The following UNK variants were observed in gnomAD, a reference collection of about 807,000 sequenced individuals.
The protein encoded by UNK is RING finger protein unkempt homolog.
In UNK, 32 loss-of-function variants were observed where a neutral mutation model predicts 97.6. The ratio of observed to expected loss-of-function variants is 0.33; its 90% CI spans 0.25 to 0.44. UNK has a LOEUF of 0.44. Among genes scored for constraint, UNK ranks in the 20% least tolerant of loss-of-function variants. UNK has a pLI of 1.00. For missense variants in UNK, 771 were observed against 1,098.4 expected (o/e 0.70, Z 4.21); for synonymous variants, 441 against 461.2 (o/e 0.96, Z 0.56).
chr17:75,824,226 C>T lies in UNK; in HGVS notation c.2278-36C>T, dbSNP rs760952583. ...CTCCTCGCTCAACTTGGGGCCAGACCCATGGATGGTGACCACGATGCCCCT... is the reference window on the plus strand; with the variant it reads ...CTCCTCGCTCAACTTGGGGCCAGACTCATGGATGGTGACCACGATGCCCCT... On this transcript the variant is annotated intron_variant, in intron 15 of 15. Transcript: ENST00000589666. The surrounding 1 kb of genome is among the most constrained non-coding windows in gnomAD (Gnocchi z 4.9). The T allele has an allele frequency of 6.4e-7, 1 of 1,554,466 alleles. No individual in the cohort carries two copies. Among genetic ancestry groups the T allele is most frequent in the African/African-American group, 1.4e-5 (1 of 72,202 alleles).
chr17:75,810,543 TC>T (rs2061959423), intron 2 of UNK, among the ~76,000 whole-genome samples: 1 of 152,158 alleles, frequency 6.6e-6, no homozygotes, highest in Non-Finnish European at 1.5e-5. Context: ...CATAGAGCCT[TC>T]CCTTCGTCAG....
chr17:75,806,102 CAAA>C (rs112228363), intron 1 of UNK, among the ~76,000 whole-genome samples: 4 of 68,446 alleles, frequency 5.8e-5, no homozygotes. Context: ...GACTCCGTCT[CAAA>C]AAAAAAAAAA....
chr17:75,810,979 C>T lies in UNK; in HGVS notation c.314+1010C>T, dbSNP rs116700735. ...TTTGAGATGGAGTCCGCTCTGTTGC[C>T]GAGGCTGGAATGGGCACCTGCTTCC... On this transcript the variant is annotated intron_variant, in intron 2 of 15. Coordinates refer to ENST00000589666, the MANE Select transcript of UNK (RefSeq NM_001080419.3). Among the ~76,000 whole-genome samples, 1,104 of 151,594 alleles carry T rather than the reference C, an allele frequency of 7.3e-3. 14 individuals carry two copies. The highest frequency in any genetic ancestry group is 0.026 in the African/African-American group (1,075 of 41,250).
rs763599861 is a variant in UNK at position 75,817,569 on chromosome 17, C to T, written c.1305+43C>T. 11 of 1,534,456 alleles carry T rather than the reference C, an allele frequency of 7.2e-6. No homozygotes were observed. Among genetic ancestry groups the T allele is most frequent in the African/African-American group, 2.7e-5 (2 of 72,848 alleles). ...CAGCAGTGAGGTTAGCCTTCTCCTG[C>T]GTGGGGCAAGAGAATCTTGGAGGAG... On this transcript the variant is annotated intron_variant, in intron 9 of 15. Transcript: ENST00000589666. The surrounding 1 kb of genome is among the most constrained non-coding windows in gnomAD (Gnocchi z 5.8).
chr17:75,791,899 T>C, intron 1 of UNK: 1 of 985,388 alleles, frequency 1.0e-6, no homozygotes, highest in Non-Finnish European at 1.2e-6. Context: ...GAAATCCATC[T>C]TGGGCACACT....
rs2061987660 is a variant in UNK, at chr17:75,813,358, C to T, written c.758+145C>T. 2.2e-5 allele frequency: 26 copies of T among 1,199,002 alleles called. No homozygotes were observed. In the South Asian group the frequency reaches 3.8e-4, roughly 18 times the overall value. 74.3% of individuals were successfully genotyped at this position (1,199,002 alleles called of 1,614,324 possible). A position where few individuals can be genotyped will look rare whatever the true frequency, so the allele number is the denominator to read the frequency against. On this transcript the variant is annotated intron_variant, in intron 5 of 15. Transcript: ENST00000589666. ...CGCAAGCCCAGGGCCCAGGGGAGGG[C>T]ATAGTGAGGATAGCTGGACAGTAGG...
Position 75,815,388 on chromosome 17 carries a change from G to A in UNK, c.961+135G>A. ...TTCTGGCCTGCCAGCAGCAGGCCTTGTCCCCACTGGAAGCTCCATTCCCCC... is the reference window on the plus strand; with the variant it reads ...TTCTGGCCTGCCAGCAGCAGGCCTTATCCCCACTGGAAGCTCCATTCCCCC... On this transcript the variant is annotated intron_variant, in intron 7 of 15. Coordinates refer to ENST00000589666, the MANE Select transcript of UNK (RefSeq NM_001080419.3). The A allele has an allele frequency of 7.9e-6, 6 of 756,188 alleles. No individual in the cohort carries two copies. In the South Asian group the frequency reaches 1.2e-4, roughly 16 times the overall value. 46.8% of individuals were successfully genotyped at this position (756,188 alleles called of 1,614,324 possible).
intron 13 of UNK, chr17:75,821,770 G>A (rs1464840243): frequency 8.8e-6 from 4 of 455,750 alleles, no homozygotes; most frequent in South Asian, 4.7e-5. Context: ...GCCAGAGCAG[G>A]GGGACCTGAT....
intron 13 of UNK, among the ~76,000 whole-genome samples, chr17:75,820,968 G>A (rs2062062404): frequency 6.6e-6 from 1 of 152,164 alleles, no homozygotes; most frequent in Admixed American, 6.5e-5. Context: ...GTTTGAAGAG[G>A]CTGTTCTCTG....
chr17:75,793,785 A>C (rs896753924), intron 1 of UNK: 2 of 985,340 alleles, frequency 2.0e-6, no homozygotes, highest in Non-Finnish European at 2.4e-6. Flanking sequence ...AGGAGGGGGA[A>C]GGTCCATGTC....
chr17:75,787,806 C>T (rs768583582), intron 1 of UNK, among the ~76,000 whole-genome samples: 14 of 148,894 alleles, frequency 9.4e-5, no homozygotes, highest in Non-Finnish European at 1.6e-4. Context: ...ACCTGGGTGA[C>T]AGAGTGAGAC....
Position 75,817,284 on chromosome 17 carries a change from C to CG in UNK, c.1105-41dup, listed in dbSNP as rs1567807670. On this transcript the variant is annotated intron_variant, in intron 8 of 15. Coordinates refer to ENST00000589666, the MANE Select transcript of UNK (RefSeq NM_001080419.3). This position sits in a 1 kb window ranked among gnomAD's most constrained non-coding sequence, Gnocchi z 5.8. Reference sequence around the variant, plus strand: ...GGAGGATGGGCCACGCACCAGCCTGCGCTGTGCCCACGGGCCCACTCCCTC... The same window carrying CG: ...GGAGGATGGGCCACGCACCAGCCTGCGGCTGTGCCCACGGGCCCACTCCCTC... The CG allele has an allele frequency of 6.6e-7, 1 of 1,522,374 alleles. No homozygotes were observed. The allele number at this position is 1,522,374 out of a possible 1,614,324, so 94.3% of individuals were successfully genotyped here.
intron 13 of UNK, 131 bp downstream of exon 13, chr17:75,820,239 C>A: frequency 1.1e-6 from 1 of 937,450 alleles, no homozygotes; most frequent in Non-Finnish European, 1.6e-6. Flanking sequence ...GGCGAGGAGG[C>A]AGAGTCAGAT....
chr17:75,799,661 A>G (rs1173317150), intron 1 of UNK, among the ~76,000 whole-genome samples: 1 of 152,218 alleles, frequency 6.6e-6, no homozygotes, highest in African/African-American at 2.4e-5. Context: ...TCGATGTGGC[A>G]GTGTACAAAA....
intron 2 of UNK, among the ~76,000 whole-genome samples, chr17:75,811,471 G>C (rs112523698): frequency 0.015 from 2,253 of 152,298 alleles, 42 homozygotes; most frequent in African/African-American, 0.035. Flanking sequence ...GCACTCAGGG[G>C]ATGAAGGCTA....
In UNK at chr17:75,820,035, G is replaced by A; in HGVS notation, c.1764G>A (p.Leu588=). Residue 588 remains leucine, a synonymous_variant, in exon 13 of 16, where the codon CTG becomes CTA. Transcript: ENST00000589666. ...SPPVSLSSHF[L]QQPQGHLSQS... ...CCGTCAGCCTCTCCTCGCATTTCCTGCAGCAGCCCCAGGGCCACCTGAGTC... is the reference window on the plus strand; with the variant it reads ...CCGTCAGCCTCTCCTCGCATTTCCTACAGCAGCCCCAGGGCCACCTGAGTC... The A allele has an allele frequency of 6.2e-7, 1 of 1,613,876 alleles. No individual in the cohort carries two copies. Among genetic ancestry groups the A allele is most frequent in the Non-Finnish European group, 8.5e-7 (1 of 1,179,884 alleles).
Position 75,806,177 on chromosome 17 carries a change from C to T in UNK, c.105-3583C>T, listed in dbSNP as rs536364769. ...TCCTTTACAAGAAGAGTTTGCTGGC[C>T]GGGCACAGGGGCTCATGCCTGTAAT... On this transcript the variant is annotated intron_variant, in intron 1 of 15. Coordinates refer to ENST00000589666, the MANE Select transcript of UNK (RefSeq NM_001080419.3). 2.0e-3 allele frequency among the ~76,000 whole-genome samples: 308 copies of T among 152,098 alleles called. 1 individual carries two copies. The highest frequency in any genetic ancestry group is 5.8e-3 in the Admixed American group (88 of 15,254).
At position 75,819,972 on chromosome 17, in the gene UNK, C is replaced by A. The variant is rs963408789; in HGVS notation, c.1701C>A (p.Gly567=). Residue 567 remains glycine (G), a synonymous_variant, in exon 13 of 16, where the codon GGC becomes GGA. Transcript: ENST00000589666. This position sits in a 1 kb window ranked among gnomAD's most constrained non-coding sequence, Gnocchi z 5.4. The part of the protein sequence containing the change: ...SAPVNIPGSL[G]SSASFHSASP... Reference sequence around the variant, plus strand: ...CCGTGAACATCCCCGGCTCCTTGGGCAGCTCTGCCTCCTTCCACTCAGCAT... The same window carrying A: ...CCGTGAACATCCCCGGCTCCTTGGGAAGCTCTGCCTCCTTCCACTCAGCAT... The A allele has an allele frequency of 3.7e-6, 6 of 1,613,050 alleles. No homozygotes were observed. The African/African-American group carries it at 8.0e-5, about 22-fold the overall frequency.
rs143691959 is a variant in UNK, at chr17:75,811,687, C to T, written c.315-425C>T. Among the ~76,000 whole-genome samples, 319 of 152,242 alleles carry T rather than the reference C, an allele frequency of 2.1e-3. 1 individual carries two copies. Among genetic ancestry groups the T allele is most frequent in the Non-Finnish European group, 2.3e-3 (158 of 68,004 alleles). On this transcript the variant is annotated intron_variant, in intron 2 of 15. Transcript: ENST00000589666. ...TGCACCTTCCAGGCCATAGTGAAAG[C>T]TGTTCAATGGTTGGGGAAAGGCCAG... is the stretch of plus-strand genomic sequence containing the variant.
Sources: gnomAD v4.1 joint callset for allele counts (sites outside exome capture counted in the v4.1 genomes callset) on GRCh38, gnomAD v4.1.1 for gene constraint, Gnocchi (gnomAD v3.1) non-coding constraint, MANE v1.5 for transcripts, NCBI Gene and HGNC (gene_info 2026-07-23, HGNC 2026-07-21) for gene names.